The following SECISBP2L variants were observed in gnomAD, a reference collection of about 807,000 sequenced individuals.
SECISBP2L encodes the protein SECIS binding protein 2 like.
A neutral mutation model predicts 114.7 loss-of-function variants in SECISBP2L; 43 were observed. The observed-to-expected ratio is 0.38, with a 90% CI of 0.29 to 0.48. SECISBP2L has a LOEUF of 0.48. Ranked by LOEUF, SECISBP2L falls within the 20% of genes least tolerant of loss-of-function variation. SECISBP2L has a pLI of 0.98. For missense variants in SECISBP2L, 1,136 were observed against 1,301.1 expected (o/e 0.87, Z 1.95); for synonymous variants, 451 against 439.7 (o/e 1.03, Z -0.32).
intron 11 of SECISBP2L, among the ~76,000 whole-genome samples, chr15:49,014,491 A>G (rs1316342992): frequency 6.6e-6 from 1 of 152,166 alleles, no homozygotes; most frequent in African/African-American, 2.4e-5. Context: ...CTCCCATGCT[A>G]GCATTTAAAA....
chr15:49,003,836 T>A (rs1902260670), intron 14 of SECISBP2L, among the ~76,000 whole-genome samples: 2 of 152,218 alleles, frequency 1.3e-5, no homozygotes. Flanking sequence ...CTAAATTCGG[T>A]TTGCCAGTAT....
chr15:49,008,603 C>T (rs1485846630), intron 14 of SECISBP2L, among the ~76,000 whole-genome samples: 2 of 152,208 alleles, frequency 1.3e-5, no homozygotes, highest in Non-Finnish European at 2.9e-5. Context: ...GTAATTTGGA[C>T]TCACATAGAT....
chr15:49,040,453 T>C (rs1035938099), intron 1 of SECISBP2L, among the ~76,000 whole-genome samples: 2 of 151,646 alleles, frequency 1.3e-5, no homozygotes, highest in African/African-American at 4.8e-5. Flanking sequence ...CTTTGGGGCC[T>C]TCAGTAATAT....
chr15:49,000,873 A>G lies in SECISBP2L; in HGVS notation c.2248+4T>C, dbSNP rs184948672. On this transcript the variant is annotated splice_donor_region_variant and intron_variant, in intron 15 of 17. Transcript: ENST00000559471. Reference sequence around the variant, plus strand: ...AAAACACTTCAAAAGCAAAAAGCGCATACCTTTTGACTGGATTTTTTCACA... The same window carrying G: ...AAAACACTTCAAAAGCAAAAAGCGCGTACCTTTTGACTGGATTTTTTCACA... 1.1e-5 allele frequency: 18 copies of G among 1,610,606 alleles called. No individual in the cohort carries two copies. Among genetic ancestry groups the G allele is most frequent in the Admixed American group, 1.7e-5 (1 of 59,472 alleles).
intron 2 of SECISBP2L, 35 bp downstream of exon 2, chr15:49,037,556 C>T: frequency 1.3e-6 from 2 of 1,585,812 alleles, no homozygotes; most frequent in East Asian, 4.6e-5. Context: ...TTATAGCCAC[C>T]CCCACAAAAA....
chr15:49,037,043 C>T (rs1046892877), intron 2 of SECISBP2L, among the ~76,000 whole-genome samples: 2 of 152,084 alleles, frequency 1.3e-5, no homozygotes, highest in African/African-American at 4.8e-5. Context: ...ATGGCTATCA[C>T]GACTATCATA....
At chr15:49,014,453 C>T (rs1171163621) in intron 11 of SECISBP2L, among the ~76,000 whole-genome samples, 1 of 152,134 alleles carries the variant, frequency 6.6e-6, no homozygotes, top group Non-Finnish European at 1.5e-5. Context: ...ACATTCATAA[C>T]TATATGCTAA....
rs1390921636 is a variant in SECISBP2L, at chr15:49,027,381, T to C, written c.1019A>G (p.Gln340Arg). The change falls in exon 7 of 18, where the codon CAA (glutamine) becomes CGA (arginine). Residue 340 changes from glutamine to arginine, a missense_variant. Gln to Arg is a conservative substitution (Grantham distance 43). Coordinates refer to ENST00000559471, the MANE Select transcript of SECISBP2L (RefSeq NM_001193489.2). ...TCGAATTACCTGTGAATTATTTCTT[T>C]GTTCAGTTTGCCTTCCACCTCTAGA... Reference protein sequence around the residue: ...TFSRGGRQTEQRNNSQVGFRC... With the variant: ...TFSRGGRQTERRNNSQVGFRC... 1.9e-6 allele frequency: 3 copies of C among 1,609,626 alleles called. No homozygotes were observed. Among genetic ancestry groups the C allele is most frequent in the East Asian group, 2.2e-5 (1 of 44,746 alleles).
At chr15:49,013,790 G>A (rs975286598) in intron 11 of SECISBP2L, among the ~76,000 whole-genome samples, 4 of 152,044 alleles carry the variant, frequency 2.6e-5, no homozygotes, top group Non-Finnish European at 2.9e-5. Flanking sequence ...TCCTGTCCAA[G>A]GCTCACCAAC....
chr15:49,036,700 G>A (rs994032377), intron 2 of SECISBP2L, among the ~76,000 whole-genome samples: 1 of 152,164 alleles, frequency 6.6e-6, no homozygotes, highest in Admixed American at 6.5e-5. Flanking sequence ...CAAGACTCTT[G>A]ATTAACAGCC....
At chr15:49,006,063 G>A (rs1902317182) in intron 14 of SECISBP2L, among the ~76,000 whole-genome samples, 2 of 152,106 alleles carry the variant, frequency 1.3e-5, no homozygotes, top group Non-Finnish European at 2.9e-5. Flanking sequence ...TTCTAAGAAC[G>A]TTGAATATTG....
At chr15:49,017,856 CACCT>C (rs1334476426) in intron 8 of SECISBP2L, 2 of 347,246 alleles carry the variant, frequency 5.8e-6, no homozygotes, top group Non-Finnish European at 1.0e-5. Context: ...TGGATTTCTG[CACCT>C]ACTATTTCAT....
Position 49,035,449 on chromosome 15 carries a change from T to C in SECISBP2L, c.413A>G (p.Asn138Ser). Residue 138 changes from asparagine (N) to serine (S), a missense_variant, in exon 3 of 18, where the codon AAT (asparagine) becomes AGT (serine). Transcript: ENST00000559471. ...TPYSNTFQAA[N>S]TVNAITTECT... is the part of the protein sequence containing the mutation. The stretch of plus-strand genomic sequence containing the variant: ...TTCTGTGGTGATAGCATTTACAGTA[T>C]TTGCAGCCTGAAAGGTGTTGGAGTA... 1.9e-6 allele frequency: 3 copies of C among 1,614,174 alleles called. No individual in the cohort carries two copies. The highest frequency in any genetic ancestry group is 1.3e-5 in the African/African-American group (1 of 75,046).
Position 48,991,524 on chromosome 15 carries a change from G to A in SECISBP2L, c.*720C>T, listed in dbSNP as rs1344641201. ...AGAGCATTCCTGAGGTAAGTAAGAA[G>A]CAAATATGAGACAGAACCTGGAGGT... On this transcript the variant is annotated 3_prime_UTR_variant, in exon 18 of 18. Transcript: ENST00000559471. 1 of 152,662 alleles carries A rather than the reference G, an allele frequency of 6.6e-6. No homozygotes were observed. Among genetic ancestry groups the A allele is most frequent in the Non-Finnish European group, 1.5e-5 (1 of 68,054 alleles). The allele number at this position is 152,662 out of a possible 1,614,324, so 9.5% of individuals were successfully genotyped here.
Position 49,027,380 on chromosome 15 carries a change from T to C in SECISBP2L, c.1020A>G (p.Gln340=). The C allele has an allele frequency of 3.7e-6, 6 of 1,609,562 alleles. No homozygotes were observed. Among genetic ancestry groups the C allele is most frequent in the Non-Finnish European group, 5.1e-6 (6 of 1,176,992 alleles). Residue 340 remains glutamine (Q), a synonymous_variant, in exon 7 of 18, where the codon CAA becomes CAG. Transcript: ENST00000559471. ...TTCGAATTACCTGTGAATTATTTCT[T>C]TGTTCAGTTTGCCTTCCACCTCTAG... is the stretch of plus-strand genomic sequence containing the variant. ...TFSRGGRQTE[Q]RNNSQVGFRC...
chr15:49,029,585 GCTA>G (rs1374648157), intron 4 of SECISBP2L, among the ~76,000 whole-genome samples: 1 of 152,022 alleles, frequency 6.6e-6, no homozygotes, highest in Non-Finnish European at 1.5e-5. Context: ...TTGGAGTTTT[GCTA>G]CTAAGAACAA....
chr15:49,030,090 C>A, intron 4 of SECISBP2L, among the ~76,000 whole-genome samples: 1 of 150,864 alleles, frequency 6.6e-6, no homozygotes. Flanking sequence ...GAACAAATTA[C>A]AAGTTTTCCT....
At chr15:49,021,926 AAAC>A (rs1239813146) in intron 7 of SECISBP2L, among the ~76,000 whole-genome samples, 1 of 152,214 alleles carries the variant, frequency 6.6e-6, no homozygotes, top group Non-Finnish European at 1.5e-5. Context: ...ATACTGAACA[AAAC>A]AAAGCAGAAG....
chr15:49,045,431 G>A (rs184653230), intron 1 of SECISBP2L, among the ~76,000 whole-genome samples: 3 of 152,208 alleles, frequency 2.0e-5, no homozygotes, highest in Non-Finnish European at 4.4e-5. Flanking sequence ...GAAGGGAATA[G>A]AGAGTGAATA....
Sources: gnomAD v4.1 joint callset for allele counts (sites outside exome capture counted in the v4.1 genomes callset) on GRCh38, gnomAD v4.1.1 for gene constraint, MANE v1.5 for transcripts, NCBI Gene and HGNC (gene_info 2026-07-23, HGNC 2026-07-21) for gene names.